The following NCAM2 variants were observed in gnomAD, a reference collection of about 807,000 sequenced individuals.
NCAM2 encodes neural cell adhesion molecule 2.
NCAM2 carries 30 observed loss-of-function variants against 98.1 expected under a neutral mutation model. That is an observed-to-expected ratio of 0.31 (90% CI 0.23 to 0.41). NCAM2 has a LOEUF of 0.41. Ranked by LOEUF, NCAM2 falls within the 10% of genes least tolerant of loss-of-function variation. The pLI, the probability that NCAM2 is intolerant of heterozygous loss-of-function variation, is 1.00. For missense variants in NCAM2, 867 were observed against 1,005.8 expected, an observed-to-expected ratio of 0.86 and a Z score of 1.87; for synonymous variants, 368 against 342.4, an observed-to-expected ratio of 1.07 and a Z score of -0.83.
intron 1 of NCAM2, among the ~76,000 whole-genome samples, chr21:21,172,654 T>C (rs998703689): frequency 6.6e-5 from 10 of 152,242 alleles, no homozygotes; most frequent in Admixed American, 3.3e-4. Flanking sequence ...TAAAGTGTTT[T>C]CTCTTACTTA....
intron 1 of NCAM2, among the ~76,000 whole-genome samples, chr21:21,003,169 T>G (rs1198980491): frequency 6.6e-6 from 1 of 152,162 alleles, no homozygotes; most frequent in Non-Finnish European, 1.5e-5. Flanking sequence ...CCACTAAGGA[T>G]CCATCAAACA....
chr21:21,495,908 G>T (rs1390152676), intron 15 of NCAM2, among the ~76,000 whole-genome samples: 2 of 150,488 alleles, frequency 1.3e-5, no homozygotes, highest in South Asian at 2.1e-4. Context: ...TTTGCCAAGA[G>T]GTAAACAATA....
At chr21:21,420,423 A>G (rs552936889) in intron 11 of NCAM2, among the ~76,000 whole-genome samples, 4 of 152,144 alleles carry the variant, frequency 2.6e-5, no homozygotes, top group South Asian at 4.1e-4. Flanking sequence ...TGTAGCTCAA[A>G]TGGAAAAAAT....
intron 1 of NCAM2, among the ~76,000 whole-genome samples, chr21:21,138,846 T>C (rs2067113316): frequency 6.6e-6 from 1 of 152,158 alleles, no homozygotes; most frequent in Non-Finnish European, 1.5e-5. Flanking sequence ...CCAACTTAGG[T>C]AAGGTAAGGT....
chr21:21,161,618 T>C (rs776630756), intron 1 of NCAM2, among the ~76,000 whole-genome samples: 57 of 151,810 alleles, frequency 3.8e-4, no homozygotes, highest in Non-Finnish European at 7.4e-4. Flanking sequence ...AGATAACATG[T>C]ATAGGATATA....
intron 9 of NCAM2, among the ~76,000 whole-genome samples, chr21:21,383,541 T>C (rs1478918037): frequency 6.6e-6 from 1 of 152,190 alleles, no homozygotes; most frequent in African/African-American, 2.4e-5. Context: ...TAGTTTTCAT[T>C]TCCCATCACA....
intron 16 of NCAM2, among the ~76,000 whole-genome samples, chr21:21,510,424 A>G (rs750628137): frequency 1.3e-5 from 2 of 152,100 alleles, no homozygotes; most frequent in African/African-American, 2.4e-5. Context: ...GGAACTTCAC[A>G]TAAATGGATT....
chr21:21,127,621 C>T (rs1452734702), intron 1 of NCAM2, among the ~76,000 whole-genome samples: 2 of 152,066 alleles, frequency 1.3e-5, no homozygotes, highest in Non-Finnish European at 2.9e-5. Context: ...CCTCCCTCAC[C>T]TTCTCAGCCT....
chr21:21,366,174 C>A (rs79055603), intron 8 of NCAM2, among the ~76,000 whole-genome samples: 1,937 of 151,952 alleles, frequency 0.013, 43 homozygotes, highest in African/African-American at 0.045. Flanking sequence ...GGGAGATTTA[C>A]GTAAAAACAT....
intron 12 of NCAM2, among the ~76,000 whole-genome samples, chr21:21,465,798 T>G (rs932694678): frequency 2.0e-5 from 3 of 152,060 alleles, no homozygotes; most frequent in African/African-American, 7.2e-5. Flanking sequence ...TTCTGCTTTC[T>G]TTAGCAAAAG....
rs573135233 is a variant in NCAM2, at chr21:21,203,358, C to A, written c.56-77220C>A. Among the ~76,000 whole-genome samples, 25 of 152,194 alleles carry A rather than the reference C, an allele frequency of 1.6e-4. No individual in the cohort carries two copies. In the South Asian group the frequency reaches 2.9e-3, roughly 18 times the overall value. ...TATTTCACCAAGAAAATCTGAAAAA[C>A]AAATCTGTTTAAGATAAGAATATGC... On this transcript the variant is annotated intron_variant, in intron 1 of 17. Coordinates refer to ENST00000400546, the MANE Select transcript of NCAM2 (RefSeq NM_004540.5).
At chr21:21,286,731 A>G (rs539872137) in intron 4 of NCAM2, among the ~76,000 whole-genome samples, 18 of 151,828 alleles carry the variant, frequency 1.2e-4, no homozygotes, top group Non-Finnish European at 2.1e-4. Context: ...AAAATGTACA[A>G]TCGTTAGCCT....
intron 14 of NCAM2, among the ~76,000 whole-genome samples, chr21:21,474,965 G>A (rs1473525507): frequency 6.7e-6 from 1 of 149,744 alleles, no homozygotes; most frequent in Non-Finnish European, 1.5e-5. Flanking sequence ...AAGCTTTTTT[G>A]TTCTATGTAG....
chr21:21,374,251 T>C (rs929717702), intron 9 of NCAM2, among the ~76,000 whole-genome samples: 2 of 151,886 alleles, frequency 1.3e-5, no homozygotes, highest in African/African-American at 2.4e-5. Context: ...AAATGGTCTT[T>C]CTTTTTTTGC....
Position 21,382,336 on chromosome 21 carries a change from T to C in NCAM2, c.1195+8323T>C, listed in dbSNP as rs551832194. ...TGGAACTTTACTTACACATATGTTA[T>C]ACCCTTTGAAATTGTTTCACAGGCT... is the stretch of plus-strand genomic sequence containing the variant. On this transcript the variant is annotated intron_variant, in intron 9 of 17. Transcript: ENST00000400546. 1.8e-3 allele frequency among the ~76,000 whole-genome samples: 278 copies of C among 152,262 alleles called. 2 individuals are homozygous for C. The highest frequency in any genetic ancestry group is 6.5e-3 in the African/African-American group (271 of 41,576).
chr21:21,516,382 T>G (rs1229119101), intron 16 of NCAM2, among the ~76,000 whole-genome samples: 4 of 151,520 alleles, frequency 2.6e-5, no homozygotes, highest in Non-Finnish European at 2.9e-5. Context: ...TTATAAAAGT[T>G]TTTTTTTCAA....
At position 21,397,360 on chromosome 21, in the gene NCAM2, A is replaced by G. The variant is rs532174146; in HGVS notation, c.1196-12914A>G. ...TCCTGCTGCCATCAACATGTTGTAT[A>G]TGGCCCCCAGGCTGTTCATGCCAAG... On this transcript the variant is annotated intron_variant, in intron 9 of 17. Transcript: ENST00000400546. 1.4e-4 allele frequency among the ~76,000 whole-genome samples: 22 copies of G among 152,288 alleles called. No homozygotes were observed. The South Asian group carries it at 3.7e-3, about 26-fold the overall frequency.
intron 1 of NCAM2, among the ~76,000 whole-genome samples, chr21:21,172,071 C>CT (rs1458099882): frequency 6.6e-6 from 1 of 152,004 alleles, no homozygotes; most frequent in Admixed American, 6.6e-5. Context: ...CACATTTTGA[C>CT]TTTTTTCCTC....
chr21:21,325,966 G>A (rs2074500281), intron 6 of NCAM2, among the ~76,000 whole-genome samples: 1 of 152,146 alleles, frequency 6.6e-6, no homozygotes, highest in Non-Finnish European at 1.5e-5. Context: ...GTAGCTGGTA[G>A]GAAAGTACAG....
Sources: gnomAD v4.1 joint callset for allele counts (sites outside exome capture counted in the v4.1 genomes callset) on GRCh38, gnomAD v4.1.1 for gene constraint, MANE v1.5 for transcripts, NCBI Gene and HGNC (gene_info 2026-07-23, HGNC 2026-07-21) for gene names.